Variants in TSHZ2 observed in about 807,000 individuals in gnomAD.
TSHZ2 encodes the protein teashirt homolog 2.
In TSHZ2, 21 loss-of-function variants were observed where a neutral mutation model predicts 74.4. That is an observed-to-expected ratio of 0.28 (90% CI 0.20 to 0.41). The LOEUF (loss-of-function observed/expected upper bound fraction) is 0.41, where lower values mean the gene tolerates loss of function less well. Ranked by LOEUF, TSHZ2 falls within the 10% of genes least tolerant of loss-of-function variation. The pLI is 1.00. For synonymous variants in TSHZ2, 540 were observed against 515.3 expected, an observed-to-expected ratio of 1.05 and a Z score of -0.65; for missense variants, 1,244 against 1,293.5, an observed-to-expected ratio of 0.96 and a Z score of 0.59.
intron 1 of TSHZ2, among the ~76,000 whole-genome samples, chr20:52,987,424 T>C (rs1223773606): frequency 1.3e-5 from 2 of 152,098 alleles, no homozygotes; most frequent in Non-Finnish European, 2.9e-5. Flanking sequence ...ATAAAATTTA[T>C]ATAAGTTCCC....
chr20:53,470,820 AT>A (rs67838753), intron 2 of TSHZ2, among the ~76,000 whole-genome samples: 30,357 of 151,780 alleles, frequency 0.2, 3,175 homozygotes, highest in East Asian at 0.29. Context: ...CTCAAAAAAA[AT>A]AAATAAATAA....
intron 2 of TSHZ2, among the ~76,000 whole-genome samples, chr20:53,442,544 G>A (rs1465059711): frequency 6.6e-6 from 1 of 152,082 alleles, no homozygotes; most frequent in Non-Finnish European, 1.5e-5. Context: ...GCCAGTAATC[G>A]GGAAGGTGTG....
At chr20:53,335,677 G>T (rs1979917559) in intron 2 of TSHZ2, among the ~76,000 whole-genome samples, 1 of 152,186 alleles carries the variant, frequency 6.6e-6, no homozygotes, top group South Asian at 2.1e-4. Context: ...GGGTGAGAAG[G>T]GTGTTGAGGA....
Position 53,010,530 on chromosome 20 carries a change from C to T in TSHZ2, c.40+37197C>T, listed in dbSNP as rs112398320. Among the ~76,000 whole-genome samples, 726 of 152,136 alleles carry T rather than the reference C, an allele frequency of 4.8e-3. 3 individuals are homozygous for T. The highest frequency in any genetic ancestry group is 0.016 in the African/African-American group (662 of 41,512). On this transcript the variant is annotated intron_variant, in intron 1 of 2. Transcript: ENST00000371497. ...TTTTATGTGTGCCCAGCCTGTGAGC[C>T]TTAGGAAGGAGGTCAGTTGGTTTCT...
At chr20:53,375,563 A>G (rs144025403) in intron 2 of TSHZ2, among the ~76,000 whole-genome samples, 35 of 152,302 alleles carry the variant, frequency 2.3e-4, no homozygotes, top group South Asian at 6.2e-4. Flanking sequence ...TTTTTTACCT[A>G]GGAAGGGAAG....
intron 2 of TSHZ2, among the ~76,000 whole-genome samples, chr20:53,392,887 C>A (rs914848651): frequency 6.6e-6 from 1 of 152,000 alleles, no homozygotes; most frequent in Non-Finnish European, 1.5e-5. Context: ...CAGGCTGGAG[C>A]ACAGCGGCAT....
chr20:53,164,983 T>G (rs1400112863), intron 1 of TSHZ2, among the ~76,000 whole-genome samples: 1 of 152,240 alleles, frequency 6.6e-6, no homozygotes, highest in Non-Finnish European at 1.5e-5. Context: ...CACTTTCATT[T>G]AATCTCTGCT....
intron 1 of TSHZ2, among the ~76,000 whole-genome samples, chr20:53,216,698 T>G (rs1477653596): frequency 1.3e-5 from 2 of 152,212 alleles, no homozygotes; most frequent in Non-Finnish European, 2.9e-5. Flanking sequence ...CTCTGATTTG[T>G]CACCTGGAGA....
chr20:53,060,301 A>G (rs1022015550), intron 1 of TSHZ2, among the ~76,000 whole-genome samples: 12 of 152,196 alleles, frequency 7.9e-5, no homozygotes, highest in African/African-American at 2.9e-4. Context: ...TGTATCTCCA[A>G]CAAATGGCAA....
chr20:53,229,890 AAGAG>A (rs1001944277), intron 1 of TSHZ2, among the ~76,000 whole-genome samples: 19 of 91,866 alleles, frequency 2.1e-4, no homozygotes, highest in African/African-American at 6.9e-5. Flanking sequence ...AAGGAAGGAA[AAGAG>A]AGAGGGAGGG....
chr20:53,239,056 C>A (rs956854610), intron 1 of TSHZ2, among the ~76,000 whole-genome samples: 1 of 152,126 alleles, frequency 6.6e-6, no homozygotes, highest in Non-Finnish European at 1.5e-5. Context: ...AGGGATAAAG[C>A]AATGAACCAG....
chr20:53,292,324 G>A (rs1179566087), intron 2 of TSHZ2, among the ~76,000 whole-genome samples: 1 of 152,104 alleles, frequency 6.6e-6, no homozygotes, highest in Admixed American at 6.5e-5. Context: ...TTGACTGCTT[G>A]TCTGGAACAT....
At position 53,254,542 on chromosome 20, in the gene TSHZ2, T is replaced by C. The variant is rs972778539; in HGVS notation, c.1084T>C (p.Tyr362His). The C allele has an allele frequency of 1.2e-6, 2 of 1,613,902 alleles. No individual in the cohort carries two copies. Among genetic ancestry groups the C allele is most frequent in the Non-Finnish European group, 1.7e-6 (2 of 1,179,776 alleles). Residue 362 changes from tyrosine (Y) to histidine (H), a missense_variant, in exon 2 of 3, where the codon TAC becomes CAC. Transcript: ENST00000371497. ...LQLSSNNRYG[Y>H]QNGASYTWQF... ...GTTGTCCTCCAACAACCGCTATGGC[T>C]ACCAAAATGGAGCCAGCTACACCTG...
chr20:53,349,652 A>AG (rs11480140), intron 2 of TSHZ2, among the ~76,000 whole-genome samples: 2,303 of 13,442 alleles, frequency 0.17, 50 homozygotes, highest in African/African-American at 0.29. Context: ...ACCCCACCTC[A>AG]AAAAAAAAAA....
intron 2 of TSHZ2, among the ~76,000 whole-genome samples, chr20:53,287,767 G>C (rs1991197052): frequency 6.6e-6 from 1 of 152,146 alleles, no homozygotes; most frequent in Non-Finnish European, 1.5e-5. Context: ...AATCATGGTA[G>C]ATGAAAGTAG....
chr20:53,168,596 A>C (rs1467774839), intron 1 of TSHZ2: 3 of 152,188 alleles, frequency 2.0e-5, no homozygotes, highest in Admixed American at 2.0e-4. Flanking sequence ...GTCTCCTTGT[A>C]TTAGGATAAT....
chr20:53,351,876 T>A (rs1980657935), intron 2 of TSHZ2, among the ~76,000 whole-genome samples: 1 of 152,234 alleles, frequency 6.6e-6, no homozygotes. Context: ...TTTTATGACC[T>A]TTTGAAAAGT....
At chr20:53,121,757 C>T (rs770409956) in intron 1 of TSHZ2, among the ~76,000 whole-genome samples, 3 of 151,822 alleles carry the variant, frequency 2.0e-5, no homozygotes, top group Non-Finnish European at 4.4e-5. Flanking sequence ...CTGAAGACTG[C>T]CAGGGTGTGG....
chr20:53,180,858 G>A (rs1395907519), intron 1 of TSHZ2, among the ~76,000 whole-genome samples: 1 of 152,102 alleles, frequency 6.6e-6, no homozygotes, highest in Non-Finnish European at 1.5e-5. Context: ...TCAGACATGT[G>A]GCTCCTAGGA....
Sources: allele counts gnomAD v4.1 joint callset (sites outside exome capture counted in the v4.1 genomes callset), GRCh38; gene constraint gnomAD v4.1.1; transcripts MANE v1.5; gene names NCBI Gene and HGNC (gene_info 2026-07-23, HGNC 2026-07-21).